The following PRKAG2 variants were observed in gnomAD, a reference collection of about 807,000 sequenced individuals.
PRKAG2 encodes the protein protein kinase AMP-activated non-catalytic subunit gamma 2.
In PRKAG2, 26 loss-of-function variants were observed where a neutral mutation model predicts 69.6. The observed-to-expected ratio is 0.37, with a 90% CI of 0.27 to 0.52. PRKAG2 has a LOEUF of 0.52. Among genes scored for constraint, PRKAG2 ranks in the 20% least tolerant of loss-of-function variants. The probability of loss-of-function intolerance (pLI) is 0.90; values close to 1 mark genes in which losing one functional copy is unlikely to be tolerated. For missense variants in PRKAG2, 557 were observed against 740.0 expected, an observed-to-expected ratio of 0.75 and a Z score of 2.87; for synonymous variants, 293 against 285.0, an observed-to-expected ratio of 1.03 and a Z score of -0.28.
intron 1 of PRKAG2, among the ~76,000 whole-genome samples, chr7:151,834,090 G>A (rs1384850813): frequency 6.6e-6 from 1 of 152,212 alleles, no homozygotes; most frequent in African/African-American, 2.4e-5. Flanking sequence ...ATGGCAGCAG[G>A]TGGATCATTC....
At chr7:151,636,311 C>G (rs1267195199) in intron 4 of PRKAG2, among the ~76,000 whole-genome samples, 3 of 152,188 alleles carry the variant, frequency 2.0e-5, no homozygotes, top group African/African-American at 7.2e-5. Flanking sequence ...GCAGTCACGT[C>G]CCATTACCTG....
intron 1 of PRKAG2, chr7:151,810,413 C>CA (rs904314470): frequency 1.3e-5 from 2 of 152,278 alleles, no homozygotes; most frequent in African/African-American, 4.8e-5. Context: ...CAAGCACTAG[C>CA]AAAACCCTGC....
Position 151,556,850 on chromosome 7 carries a change from T to G in PRKAG2, c.*351A>C, listed in dbSNP as rs1327518963. On this transcript the variant is annotated 3_prime_UTR_variant, in exon 16 of 16. Transcript: ENST00000287878. ...ATTGCTGTATTCGGACATAAGGCAC[T>G]GTGATCTGAACATACCGTGCACTCA... 3.3e-6 allele frequency: 1 copy of G among 301,482 alleles called. No individual in the cohort carries two copies. The highest frequency in any genetic ancestry group is 2.2e-5 in the African/African-American group (1 of 45,842). The allele number at this position is 301,482 out of a possible 1,614,324, so 18.7% of individuals were successfully genotyped here. A position where few individuals can be genotyped will look rare whatever the true frequency, so the allele number is the denominator to read the frequency against.
chr7:151,721,463 C>G (rs985308598), intron 3 of PRKAG2, among the ~76,000 whole-genome samples: 3 of 152,082 alleles, frequency 2.0e-5, no homozygotes, highest in African/African-American at 7.2e-5. Flanking sequence ...GGGCCTGGCT[C>G]CCCAGAGCAC....
intron 1 of PRKAG2, among the ~76,000 whole-genome samples, chr7:151,827,532 C>T (rs1397852405): frequency 6.6e-6 from 1 of 152,140 alleles, no homozygotes; most frequent in Non-Finnish European, 1.5e-5. Context: ...AGCCACTGCA[C>T]CCAGCCGGAA....
At chr7:151,874,662 G>A (rs1164795014) in intron 1 of PRKAG2, among the ~76,000 whole-genome samples, 3 of 152,282 alleles carry the variant, frequency 2.0e-5, no homozygotes, top group African/African-American at 7.2e-5. Context: ...AGGTGGGCGG[G>A]TCACTCGAGC....
chr7:151,757,654 A>T (rs2075173662), intron 3 of PRKAG2, among the ~76,000 whole-genome samples: 1 of 152,160 alleles, frequency 6.6e-6, no homozygotes, highest in Non-Finnish European at 1.5e-5. Flanking sequence ...CATCCAGCGG[A>T]TCCTCTGTGC....
At chr7:151,853,434 T>TA (rs2079626124) in intron 1 of PRKAG2, among the ~76,000 whole-genome samples, 1 of 152,214 alleles carries the variant, frequency 6.6e-6, no homozygotes, top group African/African-American at 2.4e-5. Flanking sequence ...ATGGGTCAGA[T>TA]ATTACGTTGA....
intron 3 of PRKAG2, among the ~76,000 whole-genome samples, chr7:151,748,181 T>C (rs905462402): frequency 1.3e-5 from 2 of 152,066 alleles, no homozygotes; most frequent in Admixed American, 1.3e-4. Flanking sequence ...TCGGCCTCCC[T>C]AAGTGCTGGG....
At chr7:151,623,813 A>T (rs935685605) in intron 5 of PRKAG2, among the ~76,000 whole-genome samples, 1 of 149,504 alleles carries the variant, frequency 6.7e-6, no homozygotes, top group Non-Finnish European at 1.5e-5. Context: ...GGGGGGTTAC[A>T]TCGTATGTAT....
At position 151,876,985 on chromosome 7, in the gene PRKAG2, GAGGTAATCTGAAAGGC is replaced by G; in HGVS notation, c.-381_-366del. 2.8e-6 allele frequency: 1 copy of G among 362,712 alleles called. No homozygotes were observed. Among genetic ancestry groups the G allele is most frequent in the Non-Finnish European group, 5.3e-6 (1 of 190,146 alleles). 22.5% of individuals were successfully genotyped at this position (362,712 alleles called of 1,614,324 possible). On this transcript the variant is annotated 5_prime_UTR_variant, in exon 1 of 16. The change abolishes the stop of an existing upstream ORF in the 5' untranslated region. Coordinates refer to ENST00000287878, the MANE Select transcript of PRKAG2 (RefSeq NM_016203.4). ...TCTCGGCTCCTCCCACAGATTCCCA[GAGGTAATCTGAAAGGC>G]AGGTGCAATTAAAACCAGCAATTTG...
chr7:151,849,200 G>C (rs549016423), intron 1 of PRKAG2, among the ~76,000 whole-genome samples: 2 of 152,254 alleles, frequency 1.3e-5, no homozygotes. Flanking sequence ...CGCAGGCCCT[G>C]AGACACAGGC....
At chr7:151,573,150 T>C (rs896288163) in intron 8 of PRKAG2, among the ~76,000 whole-genome samples, 1 of 146,828 alleles carries the variant, frequency 6.8e-6, no homozygotes, top group Non-Finnish European at 1.5e-5. Flanking sequence ...GAGAAAAAAA[T>C]GTATCTCAAG....
chr7:151,770,561 C>A (rs548913592), intron 3 of PRKAG2, among the ~76,000 whole-genome samples: 1 of 152,312 alleles, frequency 6.6e-6, no homozygotes, highest in South Asian at 2.1e-4. Context: ...CTGGCTGCAG[C>A]CTTTTTAAAG....
chr7:151,738,509 G>A (rs1310931206), intron 3 of PRKAG2, among the ~76,000 whole-genome samples: 4 of 152,288 alleles, frequency 2.6e-5, no homozygotes, highest in African/African-American at 9.6e-5. Context: ...CTGGAAGGTT[G>A]TGGGTTTACG....
intron 15 of PRKAG2, chr7:151,558,323 T>C: frequency 1.0e-6 from 1 of 985,454 alleles, no homozygotes; most frequent in Non-Finnish European, 1.2e-6. Context: ...TGCCTCTTAC[T>C]GACTATTCCA....
At chr7:151,637,539 C>G (rs886757527) in intron 4 of PRKAG2, among the ~76,000 whole-genome samples, 2 of 152,092 alleles carry the variant, frequency 1.3e-5, no homozygotes, top group Non-Finnish European at 2.9e-5. Context: ...TTATGCAACT[C>G]CACTTGATAA....
At chr7:151,740,565 G>A (rs986845535) in intron 3 of PRKAG2, among the ~76,000 whole-genome samples, 3 of 152,190 alleles carry the variant, frequency 2.0e-5, no homozygotes, top group South Asian at 2.1e-4. Flanking sequence ...TGATAGATAC[G>A]GGGATCAGAT....
chr7:151,557,075 G>C lies in PRKAG2; in HGVS notation c.*126C>G. On this transcript the variant is annotated 3_prime_UTR_variant, in exon 16 of 16. Coordinates refer to ENST00000287878, the MANE Select transcript of PRKAG2 (RefSeq NM_016203.4). ...TTTAAGCTTAATTTCAACATCACTGGAAGAAATACCTATTGTTAAACCCTG... is the reference window on the plus strand; with the variant it reads ...TTTAAGCTTAATTTCAACATCACTGCAAGAAATACCTATTGTTAAACCCTG... 5.5e-6 allele frequency: 8 copies of C among 1,464,324 alleles called. No homozygotes were observed. Among genetic ancestry groups the C allele is most frequent in the Non-Finnish European group, 7.6e-6 (8 of 1,049,844 alleles). The allele number at this position is 1,464,324 out of a possible 1,614,324, so 90.7% of individuals were successfully genotyped here.
Sources: allele counts gnomAD v4.1 joint callset (sites outside exome capture counted in the v4.1 genomes callset), GRCh38; gene constraint gnomAD v4.1.1; transcripts MANE v1.5; gene names NCBI Gene and HGNC (gene_info 2026-07-23, HGNC 2026-07-21).